GRM8: variants seen among roughly 807,000 people sequenced by gnomAD.
GRM8 encodes the protein glutamate metabotropic receptor 8, also known as metabotropic glutamate receptor 8.
GRM8 carries 47 observed loss-of-function variants against 87.2 expected under a neutral mutation model. That is an observed-to-expected ratio of 0.54 (90% confidence interval 0.43 to 0.69). The LOEUF is 0.69. Among genes scored for constraint, GRM8 ranks in the 30% least tolerant of loss-of-function variants. The pLI is 0.00. For missense variants in GRM8, 1,019 were observed against 1,139.2 expected, an observed-to-expected ratio of 0.89 and a Z score of 1.52; for synonymous variants, 396 against 404.5, an observed-to-expected ratio of 0.98 and a Z score of 0.25.
intron 3 of GRM8, among the ~76,000 whole-genome samples, chr7:126,912,881 T>C (rs1195620907): frequency 3.9e-5 from 6 of 152,224 alleles, no homozygotes; most frequent in Admixed American, 3.9e-4. Context: ...AAAACTTCCT[T>C]TCAAAGACGT....
At chr7:127,012,235 T>G (rs1055083629) in intron 3 of GRM8, among the ~76,000 whole-genome samples, 2 of 152,150 alleles carry the variant, frequency 1.3e-5, no homozygotes, top group African/African-American at 4.8e-5. Flanking sequence ...AACCCAGGCC[T>G]AGGTTTCCTT....
intron 3 of GRM8, among the ~76,000 whole-genome samples, chr7:127,018,718 G>C (rs1421198845): frequency 6.6e-6 from 1 of 151,842 alleles, no homozygotes; most frequent in Non-Finnish European, 1.5e-5. Flanking sequence ...TTTCCCAATG[G>C]TAACACAGCC....
At chr7:126,816,508 A>T (rs2151751949) in intron 6 of GRM8, among the ~76,000 whole-genome samples, 1 of 152,272 alleles carries the variant, frequency 6.6e-6, no homozygotes. Flanking sequence ...ACCAGTTCTG[A>T]TATTCAATAT....
intron 2 of GRM8, among the ~76,000 whole-genome samples, chr7:127,158,849 C>T (rs770508524): frequency 6.6e-6 from 1 of 151,922 alleles, no homozygotes; most frequent in Middle Eastern, 3.4e-3. Flanking sequence ...TTTTTACTGC[C>T]CCCTAGCTGT....
chr7:126,793,951 TG>T (rs1821657640), intron 6 of GRM8, among the ~76,000 whole-genome samples: 1 of 152,148 alleles, frequency 6.6e-6, no homozygotes, highest in Non-Finnish European at 1.5e-5. Context: ...TAATAGATTA[TG>T]GGAAATAATC....
chr7:126,964,574 G>A (rs1174469414), intron 3 of GRM8, among the ~76,000 whole-genome samples: 1 of 152,088 alleles, frequency 6.6e-6, no homozygotes, highest in Admixed American at 6.5e-5. Flanking sequence ...ATCATCACTG[G>A]TCATTAGAGA....
At chr7:127,050,322 AG>A (rs776732883) in intron 3 of GRM8, among the ~76,000 whole-genome samples, 1 of 152,140 alleles carries the variant, frequency 6.6e-6, no homozygotes, top group Non-Finnish European at 1.5e-5. Context: ...TCGGACAGGG[AG>A]GGTACCAAGA....
At chr7:126,927,039 A>G (rs1285657142) in intron 3 of GRM8, among the ~76,000 whole-genome samples, 1 of 152,212 alleles carries the variant, frequency 6.6e-6, no homozygotes, top group Admixed American at 6.5e-5. Context: ...TTGTTGGATT[A>G]ACCAATAAAT....
chr7:126,621,270 C>T (rs1800145009), intron 7 of GRM8, among the ~76,000 whole-genome samples: 1 of 152,350 alleles, frequency 6.6e-6, no homozygotes, highest in East Asian at 1.9e-4. Context: ...CCCCAGTTCT[C>T]TGAAGCCTTT....
chr7:126,799,588 A>G (rs1427742791), intron 6 of GRM8, among the ~76,000 whole-genome samples: 1 of 152,118 alleles, frequency 6.6e-6, no homozygotes, highest in African/African-American at 2.4e-5. Context: ...CCCTCCTTGT[A>G]CCTAGAAAAT....
At chr7:126,561,738 T>C (rs926803425) in intron 8 of GRM8, among the ~76,000 whole-genome samples, 3 of 151,220 alleles carry the variant, frequency 2.0e-5, no homozygotes, top group African/African-American at 4.9e-5. Flanking sequence ...AACTGGTCAT[T>C]TAGCATTAGG....
intron 2 of GRM8, among the ~76,000 whole-genome samples, chr7:127,238,530 T>C (rs149486731): frequency 1.6e-4 from 25 of 152,204 alleles, no homozygotes; most frequent in African/African-American, 6.0e-4. Context: ...TCCCAGGTAG[T>C]TTTAATAATG....
At chr7:127,158,794 C>T (rs997373944) in intron 2 of GRM8, among the ~76,000 whole-genome samples, 1 of 146,898 alleles carries the variant, frequency 6.8e-6, no homozygotes, top group African/African-American at 2.5e-5. Flanking sequence ...GACCATCACA[C>T]CATCTATACC....
chr7:126,866,888 C>A (rs1284039170), intron 6 of GRM8, among the ~76,000 whole-genome samples: 1 of 151,996 alleles, frequency 6.6e-6, no homozygotes, highest in Non-Finnish European at 1.5e-5. Context: ...CCGCGCCCTG[C>A]CTTGACTCAA....
intron 6 of GRM8, among the ~76,000 whole-genome samples, chr7:126,803,338 C>G (rs1822943431): frequency 6.6e-6 from 1 of 152,116 alleles, no homozygotes; most frequent in Non-Finnish European, 1.5e-5. Flanking sequence ...GATACTCTCC[C>G]TAAGATGTCT....
intron 3 of GRM8, among the ~76,000 whole-genome samples, chr7:127,064,672 T>A (rs1376473519): frequency 6.6e-6 from 1 of 152,018 alleles, no homozygotes; most frequent in African/African-American, 2.4e-5. Context: ...TTAAACAAAT[T>A]TATAAGAGAA....
At chr7:127,159,592 G>A (rs1792967110) in intron 2 of GRM8, among the ~76,000 whole-genome samples, 1 of 152,114 alleles carries the variant, frequency 6.6e-6, no homozygotes, top group Non-Finnish European at 1.5e-5. Flanking sequence ...TGACAGGACT[G>A]AAAGTTGAAC....
At chr7:126,774,458 G>T (rs535463470) in intron 6 of GRM8, among the ~76,000 whole-genome samples, 1 of 152,114 alleles carries the variant, frequency 6.6e-6, no homozygotes, top group African/African-American at 2.4e-5. Flanking sequence ...AAATATCACC[G>T]ATTGTAAAGT....
chr7:126,958,887 A>C (rs914739890), intron 3 of GRM8, among the ~76,000 whole-genome samples: 3 of 152,200 alleles, frequency 2.0e-5, no homozygotes, highest in African/African-American at 7.2e-5. Flanking sequence ...TACCCAGTTT[A>C]TTTCATATAT....
Sources: gnomAD v4.1 joint callset for allele counts (sites outside exome capture counted in the v4.1 genomes callset) on GRCh38, gnomAD v4.1.1 for gene constraint, MANE v1.5 for transcripts, NCBI Gene and HGNC (gene_info 2026-07-23, HGNC 2026-07-21) for gene names.